ATAD3B: variants seen among roughly 807,000 people sequenced by gnomAD.
ATAD3B encodes the protein ATPase family AAA domain-containing protein 3B.
Under a neutral mutation model 70.2 loss-of-function variants are expected in ATAD3B, and 59 were observed. The observed-to-expected ratio is 0.84, with a 90% CI of 0.68 to 1.04. The LOEUF (loss-of-function observed/expected upper bound fraction) is 1.04, where lower values mean the gene tolerates loss of function less well. Ranked by LOEUF, ATAD3B falls within the 50% of genes least tolerant of loss-of-function variation. The pLI, the probability that ATAD3B is intolerant of heterozygous loss-of-function variation, is 0.00. For missense variants in ATAD3B, 961 were observed against 913.4 expected, an observed-to-expected ratio of 1.05 and a Z score of -0.67; for synonymous variants, 423 against 388.6, an observed-to-expected ratio of 1.09 and a Z score of -1.04.
In ATAD3B at chr1:1,490,189, G is replaced by A. The variant is rs572050461; in HGVS notation, c.1338-68G>A. 5.7e-6 allele frequency: 9 copies of A among 1,573,728 alleles called. No individual in the cohort carries two copies. In the East Asian group the frequency reaches 1.8e-4, roughly 32 times the overall value. On this transcript the variant is annotated intron_variant, in intron 13 of 15. Transcript: ENST00000673477. ...AAAGTCTCCCCGAGGGGGCTGAGGA[G>A]CCCCCGTTGCCCTCGGGGCATCTCA...
At chr1:1,481,560 A>G (rs2100550071) in intron 5 of ATAD3B, among the ~76,000 whole-genome samples, 1 of 87,224 alleles carries the variant, frequency 1.1e-5, no homozygotes, top group African/African-American at 5.0e-5. Context: ...TGCTCCAGGC[A>G]AACGTCTGTC....
the ATAD3B span, among the ~76,000 whole-genome samples, chr1:1,506,374 C>T: frequency 5.9e-5 from 9 of 151,544 alleles, no homozygotes; most frequent in Admixed American, 5.9e-4. Context: ...TCTATATTGC[C>T]TTGACGTCTC....
intron 14 of ATAD3B, 66 bp downstream of exon 14, chr1:1,490,490 C>G (rs775132001): frequency 6.2e-7 from 1 of 1,611,190 alleles, no homozygotes; most frequent in Non-Finnish European, 8.5e-7. Context: ...GGCCAGCTGC[C>G]TGTCTTCCGG....
intron 5 of ATAD3B, 45 bp from the exon 6 acceptor site, chr1:1,482,093 G>C (rs760904419): frequency 6.3e-7 from 1 of 1,586,994 alleles, no homozygotes; most frequent in Middle Eastern, 2.3e-4. Flanking sequence ...GGAGGTGGAC[G>C]TGCTGCACTG....
intron 15 of ATAD3B, among the ~76,000 whole-genome samples, chr1:1,494,642 C>A (rs1640691205): frequency 2.0e-5 from 3 of 152,022 alleles, no homozygotes; most frequent in Admixed American, 6.6e-5. Flanking sequence ...CAGGTTCTGT[C>A]ATGGTGACAG....
At chr1:1,480,130 C>A (rs150397966) in intron 4 of ATAD3B, among the ~76,000 whole-genome samples, 4,156 of 145,390 alleles carry the variant, frequency 0.029, 560 homozygotes, top group African/African-American at 0.1. Flanking sequence ...TGTACGCACC[C>A]CCACTCACAG....
At chr1:1,508,670 A>C in the ATAD3B span, among the ~76,000 whole-genome samples, 3 of 151,376 alleles carry the variant, frequency 2.0e-5, no homozygotes, top group Non-Finnish European at 2.9e-5. Flanking sequence ...ACCGAGGGCC[A>C]CAGCCCCAGC....
Position 1,485,098 on chromosome 1 carries a change from G to C in ATAD3B, c.833G>C (p.Arg278Pro). The C allele has an allele frequency of 6.2e-7, 1 of 1,610,128 alleles. No individual in the cohort carries two copies. The highest frequency in any genetic ancestry group is 8.5e-7 in the Non-Finnish European group (1 of 1,179,116). The change falls in exon 8 of 16, where the codon CGG becomes CCG. Residue 278 changes from arginine to proline, a missense_variant. Around this residue, in one of 4 missense-constraint regions of ATAD3B, gnomAD observed 349 missense variants for 307.5 expected, o/e 1.14. Coordinates refer to ENST00000673477, the MANE Select transcript of ATAD3B (RefSeq NM_031921.6). ...GTCACTGGCCGCTTCATCGAGGCTCGGCTGGGGAAGCCGTCCCTAGTGAGG... is the reference window on the plus strand; with the variant it reads ...GTCACTGGCCGCTTCATCGAGGCTCCGCTGGGGAAGCCGTCCCTAGTGAGG... ...TAVTGRFIEA[R>P]LGKPSLVRET...
the ATAD3B span, chr1:1,503,223 C>CAAAA: frequency 9.3e-6 from 1 of 107,706 alleles, no homozygotes; most frequent in Admixed American, 9.6e-5. Context: ...GATTCCGTCT[C>CAAAA]AAAAAAAAAA....
intron 15 of ATAD3B, among the ~76,000 whole-genome samples, chr1:1,492,812 G>A (rs373275197): frequency 6.6e-5 from 10 of 151,768 alleles, no homozygotes; most frequent in African/African-American, 1.4e-4. Context: ...GGTGGCTGGC[G>A]CCTGTAGTCC....
intron 4 of ATAD3B, among the ~76,000 whole-genome samples, chr1:1,480,373 G>T (rs1639846839): frequency 6.8e-6 from 1 of 146,536 alleles, no homozygotes; most frequent in Admixed American, 7.0e-5. Context: ...CAGTCTGGGA[G>T]GTTCTGCTTG....
Position 1,485,174 on chromosome 1 carries a change from A to C in ATAD3B, c.906+3A>C, listed in dbSNP as rs745712608. The C allele has an allele frequency of 6.2e-7, 1 of 1,610,078 alleles. No individual in the cohort carries two copies. Among genetic ancestry groups the C allele is most frequent in the Non-Finnish European group, 8.5e-7 (1 of 1,179,414 alleles). On this transcript the variant is annotated splice_donor_region_variant and intron_variant, in intron 8 of 15. Coordinates refer to ENST00000673477, the MANE Select transcript of ATAD3B (RefSeq NM_031921.6). ...AGGCGCTGCGGCACCCCATCCAGGTAGCGGCGCAGGCCTGGCCCTCCCTGA... is the reference window on the plus strand; with the variant it reads ...AGGCGCTGCGGCACCCCATCCAGGTCGCGGCGCAGGCCTGGCCCTCCCTGA...
the ATAD3B span, chr1:1,503,568 G>A: frequency 6.2e-7 from 1 of 1,606,254 alleles, no homozygotes; most frequent in Non-Finnish European, 8.5e-7. Flanking sequence ...CGCCCTCTGT[G>A]CCCCTGTGCC....
intron 12 of ATAD3B, among the ~76,000 whole-genome samples, chr1:1,488,193 A>G (rs960816125): frequency 6.6e-6 from 1 of 151,906 alleles, no homozygotes; most frequent in African/African-American, 2.4e-5. Flanking sequence ...CTGATCTCAA[A>G]TGATCTGCCC....
the ATAD3B span, among the ~76,000 whole-genome samples, chr1:1,505,489 TAG>T: frequency 6.6e-6 from 1 of 151,630 alleles, no homozygotes; most frequent in Non-Finnish European, 1.5e-5. Flanking sequence ...GGTGGAGGAG[TAG>T]AGTCTTCTCT....
chr1:1,497,216 C>G lies in ATAD3B; in HGVS notation c.*1399C>G, dbSNP rs1434238758. Reference sequence around the variant, plus strand: ...CTCTGCTCGCTCTCTCCATTTCTCTCTTTTTCCTTTTAGAGATGGGTTCTT... The same window carrying G: ...CTCTGCTCGCTCTCTCCATTTCTCTGTTTTTCCTTTTAGAGATGGGTTCTT... On this transcript the variant is annotated 3_prime_UTR_variant, in exon 16 of 16. Coordinates refer to ENST00000673477, the MANE Select transcript of ATAD3B (RefSeq NM_031921.6). 6.6e-6 allele frequency: 1 copy of G among 151,704 alleles called. No homozygotes were observed. Among genetic ancestry groups the G allele is most frequent in the East Asian group, 1.9e-4 (1 of 5,156 alleles). 9.4% of individuals were successfully genotyped at this position (151,704 alleles called of 1,614,324 possible). A position where few individuals can be genotyped will look rare whatever the true frequency, so the allele number is the denominator to read the frequency against.
chr1:1,494,574 T>C (rs1008938631), intron 15 of ATAD3B, among the ~76,000 whole-genome samples: 2 of 151,590 alleles, frequency 1.3e-5, no homozygotes, highest in African/African-American at 2.4e-5. Flanking sequence ...ACACAGTGGC[T>C]CTTGGCGAGG....
intron 7 of ATAD3B, chr1:1,483,200 C>A (rs1343455385): frequency 1.4e-5 from 5 of 362,528 alleles, no homozygotes; most frequent in Non-Finnish European, 1.1e-5. Context: ...GAGGCTGAGG[C>A]AGGAGAATCA....
chr1:1,482,700 G>A (rs1211003424), intron 7 of ATAD3B, 86 bp downstream of exon 7: 20 of 1,597,042 alleles, frequency 1.3e-5, no homozygotes, highest in South Asian at 4.4e-5. Flanking sequence ...TGTCCCTGCC[G>A]GCTCTGCACA....
Sources: gnomAD v4.1 joint callset for allele counts (sites outside exome capture counted in the v4.1 genomes callset) on GRCh38, gnomAD v4.1.1 for gene constraint, gnomAD v4.1.1 regional missense constraint, MANE v1.5 for transcripts, NCBI Gene and HGNC (gene_info 2026-07-23, HGNC 2026-07-21) for gene names.